The following SLC24A2 variants were observed in gnomAD, a reference collection of about 807,000 sequenced individuals.
SLC24A2 encodes solute carrier family 24 member 2, also known as sodium/potassium/calcium exchanger 2.
In SLC24A2, 36 loss-of-function variants were observed where a neutral mutation model predicts 62.0. The ratio of observed to expected loss-of-function variants is 0.58; its 90% confidence interval spans 0.44 to 0.77. SLC24A2 has a LOEUF of 0.77. Among genes scored for constraint, SLC24A2 ranks in the 30% least tolerant of loss-of-function variants. The probability of loss-of-function intolerance (pLI) is 0.00; values close to 1 mark genes in which losing one functional copy is unlikely to be tolerated. For missense variants in SLC24A2, 846 were observed against 817.9 expected (o/e 1.03, Z -0.42); for synonymous variants, 358 against 294.0 (o/e 1.22, Z -2.23).
At chr9:19,702,070 T>C (rs7028514) in intron 2 of SLC24A2, among the ~76,000 whole-genome samples, 53,862 of 152,084 alleles carry the variant, frequency 0.35, 10,727 homozygotes, top group African/African-American at 0.55. Flanking sequence ...TGACCGATTT[T>C]ATTTCTTCAT....
the SLC24A2 span, among the ~76,000 whole-genome samples, chr9:20,069,172 C>T: frequency 6.6e-6 from 1 of 152,178 alleles, no homozygotes; most frequent in African/African-American, 2.4e-5. Context: ...GAAAACATTA[C>T]ATTAAAATTA....
chr9:20,176,804 G>C, the SLC24A2 span, among the ~76,000 whole-genome samples: 1 of 152,018 alleles, frequency 6.6e-6, no homozygotes. Context: ...AATACAAAAA[G>C]CAAGTTGAAA....
the SLC24A2 span, among the ~76,000 whole-genome samples, chr9:20,231,545 T>C: frequency 2.6e-5 from 4 of 152,224 alleles, no homozygotes; most frequent in Non-Finnish European, 5.9e-5. Context: ...TGTCTGTTAC[T>C]GGTATATAAG....
At chr9:20,290,299 G>A in the SLC24A2 span, among the ~76,000 whole-genome samples, 1 of 152,244 alleles carries the variant, frequency 6.6e-6, no homozygotes, top group South Asian at 2.1e-4. Context: ...TGTGATTAAA[G>A]CTGCACAGCA....
At chr9:19,648,196 G>C (rs967642312) in intron 2 of SLC24A2, among the ~76,000 whole-genome samples, 24 of 152,298 alleles carry the variant, frequency 1.6e-4, no homozygotes, top group African/African-American at 5.5e-4. Flanking sequence ...ATGGGGAATA[G>C]AGGTGCAGCA....
chr9:19,649,859 A>G (rs1241805490), intron 2 of SLC24A2, among the ~76,000 whole-genome samples: 2 of 152,206 alleles, frequency 1.3e-5, no homozygotes, highest in East Asian at 3.8e-4. Context: ...TATCCCTCCA[A>G]ATTAGGTCTG....
chr9:20,084,761 C>T, the SLC24A2 span, among the ~76,000 whole-genome samples: 2 of 152,086 alleles, frequency 1.3e-5, no homozygotes, highest in Admixed American at 6.6e-5. Context: ...CTGACATATT[C>T]CCCTAGATCA....
chr9:19,983,535 C>T, the SLC24A2 span, among the ~76,000 whole-genome samples: 7 of 152,002 alleles, frequency 4.6e-5, no homozygotes, highest in African/African-American at 1.7e-4. Flanking sequence ...CCCAGCTGCT[C>T]GGGAGGCTGA....
At chr9:19,649,886 A>G (rs1285117369) in intron 2 of SLC24A2, among the ~76,000 whole-genome samples, 1 of 152,228 alleles carries the variant, frequency 6.6e-6, no homozygotes, top group East Asian at 1.9e-4. Context: ...GAGCAGTATG[A>G]ATTTGTAGTA....
intron 2 of SLC24A2, among the ~76,000 whole-genome samples, chr9:19,641,242 A>G (rs1818484834): frequency 6.6e-6 from 1 of 152,178 alleles, no homozygotes; most frequent in Non-Finnish European, 1.5e-5. Flanking sequence ...CAGTCTTGGG[A>G]ACTCTGCCCT....
chr9:19,625,595 G>A (rs1395198687), intron 2 of SLC24A2, among the ~76,000 whole-genome samples: 2 of 151,978 alleles, frequency 1.3e-5, no homozygotes, highest in Admixed American at 6.6e-5. Context: ...ACTCAAATTA[G>A]TCATATGGTG....
the SLC24A2 span, among the ~76,000 whole-genome samples, chr9:20,068,485 A>C: frequency 6.6e-6 from 1 of 152,116 alleles, no homozygotes; most frequent in Non-Finnish European, 1.5e-5. Flanking sequence ...TATGATTGTT[A>C]CCCAATCCTA....
intron 4 of SLC24A2, among the ~76,000 whole-genome samples, chr9:19,603,403 G>A (rs1333615811): frequency 6.6e-6 from 1 of 151,878 alleles, no homozygotes; most frequent in Non-Finnish European, 1.5e-5. Context: ...TTTTAAAAAG[G>A]ATTTATGAAG....
At chr9:19,601,188 A>T (rs1420410255) in intron 4 of SLC24A2, among the ~76,000 whole-genome samples, 1 of 152,186 alleles carries the variant, frequency 6.6e-6, no homozygotes, top group Non-Finnish European at 1.5e-5. Context: ...AAATTGCACC[A>T]ATCAGTGCTC....
At chr9:19,538,786 C>T (rs2132699301) in intron 8 of SLC24A2, among the ~76,000 whole-genome samples, 1 of 126,330 alleles carries the variant, frequency 7.9e-6, no homozygotes, top group African/African-American at 3.1e-5. Context: ...ATGGTACCAG[C>T]TCCTCCTTGT....
chr9:19,604,484 A>G (rs1587022376), intron 4 of SLC24A2, among the ~76,000 whole-genome samples: 2 of 152,174 alleles, frequency 1.3e-5, no homozygotes, highest in Admixed American at 6.5e-5. Context: ...GCCTGGCTGG[A>G]TTCAGTGGTT....
intron 2 of SLC24A2, among the ~76,000 whole-genome samples, chr9:19,684,633 T>C (rs1283409993): frequency 3.3e-5 from 5 of 152,078 alleles, no homozygotes; most frequent in Non-Finnish European, 7.4e-5. Context: ...GACTTGTTGA[T>C]ATCTGGAATT....
the SLC24A2 span, among the ~76,000 whole-genome samples, chr9:20,028,706 A>C: frequency 6.6e-6 from 1 of 152,156 alleles, no homozygotes; most frequent in Non-Finnish European, 1.5e-5. Context: ...AATTTTTGTC[A>C]ATCTCAGGCC....
chr9:19,546,499 G>A (rs558419500), intron 8 of SLC24A2, among the ~76,000 whole-genome samples: 40 of 152,216 alleles, frequency 2.6e-4, no homozygotes, highest in African/African-American at 8.9e-4. Context: ...GGGTAAAACT[G>A]CCTACTTAAG....
Sources: gnomAD v4.1 joint callset for allele counts (sites outside exome capture counted in the v4.1 genomes callset) on GRCh38, gnomAD v4.1.1 for gene constraint, MANE v1.5 for transcripts, NCBI Gene and HGNC (gene_info 2026-07-23, HGNC 2026-07-21) for gene names.